The following RTL4 variants were observed in gnomAD, a reference collection of about 807,000 sequenced individuals.
RTL4 encodes the protein retrotransposon Gag-like protein 4.
RTL4 carries 4 observed loss-of-function variants against 5.3 expected under a neutral mutation model. The observed-to-expected ratio is 0.75, with a 90% CI of 0.37 to 1.72. The LOEUF is 1.72. RTL4 is among the 40% of genes most tolerant of loss of function. RTL4 has a pLI of 0.04. For missense variants in RTL4, 260 were observed against 227.1 expected (o/e 1.14, Z -0.93); for synonymous variants, 98 against 87.3 (o/e 1.12, Z -0.68).
chrX:112,386,110 T>A, the RTL4 span, among the ~76,000 whole-genome samples: 1 of 112,133 alleles, frequency 8.9e-6, no homozygotes, highest in Non-Finnish European at 1.9e-5. Context: ...TTTTATTTTA[T>A]GTTTTAATAT....
the RTL4 span, among the ~76,000 whole-genome samples, chrX:112,273,452 C>T: frequency 6.5e-4 from 72 of 111,014 alleles, no homozygotes; most frequent in African/African-American, 2.3e-3. Flanking sequence ...CGGTGTTTCA[C>T]CTTGTTAGCC....
At chrX:112,196,607 G>T in the RTL4 span, among the ~76,000 whole-genome samples, 3 of 111,509 alleles carry the variant, frequency 2.7e-5, no homozygotes, top group African/African-American at 9.8e-5. Flanking sequence ...AACCAGCAAT[G>T]TATGAGTACA....
the RTL4 span, among the ~76,000 whole-genome samples, chrX:112,230,643 G>A: frequency 4.5e-5 from 5 of 111,955 alleles, no homozygotes; most frequent in Admixed American, 2.8e-4. Flanking sequence ...GTTCCTATTC[G>A]GCCATCGTGG....
chrX:112,286,246 A>G, the RTL4 span, among the ~76,000 whole-genome samples: 1 of 112,118 alleles, frequency 8.9e-6, no homozygotes, highest in African/African-American at 3.2e-5. Context: ...AGGTAGAAAT[A>G]CGTTTCGTGT....
At chrX:112,433,101 T>G in the RTL4 span, among the ~76,000 whole-genome samples, 1 of 111,245 alleles carries the variant, frequency 9.0e-6, no homozygotes, top group African/African-American at 3.3e-5. Context: ...ATCTCTGTTT[T>G]GGTACCAGTA....
the RTL4 span, among the ~76,000 whole-genome samples, chrX:112,098,681 G>A: frequency 9.0e-6 from 1 of 111,329 alleles, no homozygotes; most frequent in African/African-American, 3.3e-5. Context: ...ATCTCATTGT[G>A]GTTTTGATTT....
the RTL4 span, among the ~76,000 whole-genome samples, chrX:112,296,869 G>A: frequency 4.6e-5 from 5 of 108,091 alleles, no homozygotes; most frequent in South Asian, 4.1e-4. Flanking sequence ...CACCCCCCTC[G>A]GCCTCCAAAA....
chrX:112,445,390 G>GTTAGCCC, the RTL4 span, among the ~76,000 whole-genome samples: 4 of 112,299 alleles, frequency 3.6e-5, no homozygotes, highest in African/African-American at 1.3e-4. Flanking sequence ...AACTAGAGTT[G>GTTAGCCC]TTAGCCCTTT....
chrX:112,430,156 C>T, the RTL4 span, among the ~76,000 whole-genome samples: 1 of 110,770 alleles, frequency 9.0e-6, no homozygotes, highest in Non-Finnish European at 1.9e-5. Context: ...TTTTTCCTCT[C>T]CTTCTGGTAT....
At chrX:112,349,586 G>C in the RTL4 span, among the ~76,000 whole-genome samples, 1 of 102,905 alleles carries the variant, frequency 9.7e-6, no homozygotes, top group African/African-American at 3.6e-5. Flanking sequence ...CATGTCCCTT[G>C]TAAGTTGGAT....
At chrX:112,357,808 G>A in the RTL4 span, among the ~76,000 whole-genome samples, 1 of 111,762 alleles carries the variant, frequency 8.9e-6, no homozygotes, top group African/African-American at 3.2e-5. Flanking sequence ...GTAAATTAAA[G>A]TGCTTTTACT....
the RTL4 span, among the ~76,000 whole-genome samples, chrX:112,304,090 G>T: frequency 3.6e-5 from 4 of 110,718 alleles, no homozygotes; most frequent in Admixed American, 9.7e-5. Context: ...TGAAGTGAAG[G>T]ACCTGGACCT....
chrX:112,283,226 G>A, the RTL4 span, among the ~76,000 whole-genome samples: 640 of 111,988 alleles, frequency 5.7e-3, 4 homozygotes, highest in African/African-American at 0.019. Context: ...CTAGGAATCA[G>A]GAAACTTTAA....
chrX:112,444,355 A>G, the RTL4 span, among the ~76,000 whole-genome samples: 4,632 of 111,730 alleles, frequency 0.041, 237 homozygotes, highest in African/African-American at 0.14. Context: ...GCTCTGTAGC[A>G]TAATTTGAAG....
At chrX:112,219,807 A>T in the RTL4 span, among the ~76,000 whole-genome samples, 2 of 112,364 alleles carry the variant, frequency 1.8e-5, no homozygotes, top group East Asian at 2.8e-4. Flanking sequence ...GTACATGATT[A>T]AAAAAACTGG....
At chrX:112,174,396 A>G in the RTL4 span, among the ~76,000 whole-genome samples, 4 of 100,160 alleles carry the variant, frequency 4.0e-5, no homozygotes. Context: ...CCATGTCCCT[A>G]CAAAGGACAT....
chrX:112,389,486 T>C, the RTL4 span, among the ~76,000 whole-genome samples: 1 of 111,469 alleles, frequency 9.0e-6, no homozygotes, highest in South Asian at 3.8e-4. Context: ...TTAGTTGTGA[T>C]GTTAGGTTTT....
chrX:112,157,230 G>C, the RTL4 span, among the ~76,000 whole-genome samples: 1 of 111,009 alleles, frequency 9.0e-6, no homozygotes, highest in South Asian at 3.8e-4. Flanking sequence ...GGGCTGTTGA[G>C]CAAACTTGAT....
At chrX:112,176,117 C>A in the RTL4 span, among the ~76,000 whole-genome samples, 5,404 of 110,851 alleles carry the variant, frequency 0.049, 329 homozygotes, top group African/African-American at 0.17. Context: ...CATGAGTGAA[C>A]TCCCATTCAC....
Sources: allele counts gnomAD v4.1 joint callset (sites outside exome capture counted in the v4.1 genomes callset), GRCh38; gene constraint gnomAD v4.1.1; transcripts MANE v1.5; gene names NCBI Gene and HGNC (gene_info 2026-07-23, HGNC 2026-07-21).